Variants in PRSS36 observed in about 807,000 individuals in gnomAD.
PRSS36 encodes the protein polyserase-2.
Under a neutral mutation model 94.3 loss-of-function variants are expected in PRSS36, and 90 were observed. The ratio of observed to expected loss-of-function variants is 0.95; its 90% CI spans 0.80 to 1.14. The LOEUF (loss-of-function observed/expected upper bound fraction) is 1.14, where lower values mean the gene tolerates loss of function less well. Among genes scored for constraint, PRSS36 ranks in the 50% most tolerant of loss-of-function variants. The pLI, the probability that PRSS36 is intolerant of heterozygous loss-of-function variation, is 0.00. For synonymous variants in PRSS36, 500 were observed against 489.6 expected (o/e 1.02, Z -0.28); for missense variants, 1,158 against 1,135.0 (o/e 1.02, Z -0.29).
intron 7 of PRSS36, 56 bp from the exon 8 acceptor site, chr16:31,143,527 A>G: frequency 1.2e-6 from 2 of 1,608,362 alleles, no homozygotes; most frequent in Non-Finnish European, 1.7e-6. Flanking sequence ...CACTCCCAGC[A>G]GTCTCCATCC....
In PRSS36 at chr16:31,142,883, G is replaced by T; in HGVS notation, c.1211C>A (p.Ser404Ter). ...VARLVQHENA[S>*]WDNASDLALL... ...CGCCAGGTCCGAGGCGTTGTCCCACGAAGCGTTCTCGTGCTGCACCAGGCG... is the reference window on the plus strand; with the variant it reads ...CGCCAGGTCCGAGGCGTTGTCCCACTAAGCGTTCTCGTGCTGCACCAGGCG... Residue 404 changes from serine to a stop codon, truncating the protein, a stop_gained, in exon 9 of 15, where the codon TCG becomes TAG. Transcript: ENST00000268281. LOFTEE classifies it high-confidence loss of function. The T allele has an allele frequency of 6.4e-7, 1 of 1,559,466 alleles. No homozygotes were observed. Among genetic ancestry groups the T allele is most frequent in the East Asian group, 2.5e-5 (1 of 39,552 alleles).
At chr16:31,145,270 G>A (rs1311653836) in intron 6 of PRSS36, among the ~76,000 whole-genome samples, 1 of 150,698 alleles carries the variant, frequency 6.6e-6, no homozygotes, top group Non-Finnish European at 1.5e-5. Flanking sequence ...CTACTCGGGA[G>A]GCTGAGGCAG....
rs1424702947 is a variant in PRSS36, at chr16:31,140,390, G to A, written c.2193C>T (p.Ile731=). The change falls in exon 14 of 15, where the codon ATC becomes ATT. Residue 731 remains isoleucine, a synonymous_variant. Coordinates refer to ENST00000268281, the MANE Select transcript of PRSS36 (RefSeq NM_173502.5). ...GGCAGTCACAGATTCGTTGTGTCAAGATGGAGACAGCAGCAGCCACAGGGA... is the reference window on the plus strand; with the variant it reads ...GGCAGTCACAGATTCGTTGTGTCAAAATGGAGACAGCAGCAGCCACAGGGA... ...DRVPVAAAVS[I]LTQRICDCLY... 2.5e-6 allele frequency: 4 copies of A among 1,613,948 alleles called. No homozygotes were observed. The Admixed American group carries it at 5.0e-5, about 20-fold the overall frequency.
chr16:31,145,466 C>T (rs2057784746), intron 6 of PRSS36, among the ~76,000 whole-genome samples: 1 of 150,806 alleles, frequency 6.6e-6, no homozygotes, highest in South Asian at 2.1e-4. Context: ...TGGCCAGGCG[C>T]AAGTGAATGC....
intron 1 of PRSS36, 121 bp from the exon 2 acceptor site, chr16:31,149,852 C>G (rs1010232641): frequency 3.9e-6 from 6 of 1,537,306 alleles, no homozygotes; most frequent in Non-Finnish European, 4.5e-6. Context: ...CTCCCTCTCC[C>G]TCCTCTGATA....
At position 31,141,573 on chromosome 16, in the gene PRSS36, G is replaced by C. The variant is rs2057690560; in HGVS notation, c.1797C>G (p.Val599=). ...GCACCTCTGCCAGCCAGGGCCACAGGACCCCCACTGGAGCAGCCTCCAGCC... is the reference window on the plus strand; with the variant it reads ...GCACCTCTGCCAGCCAGGGCCACAGCACCCCCACTGGAGCAGCCTCCAGCC... ...GLRLEAAPVG[V]LWPWLAEVHV... is the part of the protein sequence containing the mutation. The change falls in exon 12 of 15, where the codon GTC becomes GTG. Residue 599 remains valine (V), a synonymous_variant. Transcript: ENST00000268281. 1.9e-6 allele frequency: 3 copies of C among 1,613,274 alleles called. No homozygotes were observed. The South Asian group carries it at 3.3e-5, about 18-fold the overall frequency.
At position 31,142,930 on chromosome 16, in the gene PRSS36, G is replaced by A. The variant is rs767659509; in HGVS notation, c.1164C>T (p.Arg388=). 6.6e-7 allele frequency: 1 copy of A among 1,510,504 alleles called. No homozygotes were observed. Among genetic ancestry groups the A allele is most frequent in the Non-Finnish European group, 8.8e-7 (1 of 1,136,126 alleles). The allele number at this position is 1,510,504 out of a possible 1,614,324, so 93.6% of individuals were successfully genotyped here. A position where few individuals can be genotyped will look rare whatever the true frequency, so the allele number is the denominator to read the frequency against. ...LDAWRVLLPS[R]PRAERVARLV... ...GGCGCGCCACCCGCTCCGCGCGCGG[G>A]CGCGAGGGCAGCAGCACGCGCCAGG... The change falls in exon 9 of 15, where the codon CGC becomes CGT. Residue 388 remains arginine (R), a synonymous_variant. Coordinates refer to ENST00000268281, the MANE Select transcript of PRSS36 (RefSeq NM_173502.5).
rs2057730875 is a variant in PRSS36 at position 31,142,822 on chromosome 16, C to T, written c.1272G>A (p.Ala424=). The change falls in exon 9 of 15, where the codon GCG becomes GCA. Residue 424 remains alanine (A), a synonymous_variant. Transcript: ENST00000268281. ...GGGGTAGGCACACGGGCCGCGAAGC[C>T]GCGCTCAGGTTCACGGGCGTGCGCA... ...LQLRTPVNLS[A]ASRPVCLPHP... The T allele has an allele frequency of 3.9e-6, 6 of 1,535,672 alleles. No individual in the cohort carries two copies. The highest frequency in any genetic ancestry group is 4.4e-6 in the Non-Finnish European group (5 of 1,143,756).
chr16:31,149,051 C>T (rs2144049022), intron 4 of PRSS36, 22 bp downstream of exon 4: 1 of 1,566,280 alleles, frequency 6.4e-7, no homozygotes, highest in Non-Finnish European at 8.7e-7. Flanking sequence ...GGAGAGGGGC[C>T]AGGACCAGGG....
At position 31,141,933 on chromosome 16, in the gene PRSS36, GGCACAAAAGGCTCCAACGC is replaced by G; in HGVS notation, c.1530_1548del (p.Trp512ArgfsTer36). On this transcript the variant is annotated frameshift_variant, in exon 11 of 15. Coordinates refer to ENST00000268281, the MANE Select transcript of PRSS36 (RefSeq NM_173502.5). LOFTEE classifies it high-confidence loss of function. ...GCCAGAAACCAGGTCCCCTCCTCCT[GGCACAAAAGGCTCCAACGC>G]GAGTCATTCTGCAGCAACAAAGTGT... is the stretch of plus-strand genomic sequence containing the variant. The G allele has an allele frequency of 6.2e-7, 1 of 1,614,094 alleles. No homozygotes were observed. The highest frequency in any genetic ancestry group is 8.5e-7 in the Non-Finnish European group (1 of 1,180,016).
chr16:31,149,678 C>T lies in PRSS36; in HGVS notation c.73+18G>A, dbSNP rs2057866826. Reference sequence around the variant, plus strand: ...TTCTGCCTCTGCACGTGACTTTCCCCCAGTCCGGCTACCTTACCTGAGTCC... The same window carrying T: ...TTCTGCCTCTGCACGTGACTTTCCCTCAGTCCGGCTACCTTACCTGAGTCC... On this transcript the variant is annotated intron_variant, in intron 2 of 14. Coordinates refer to ENST00000268281, the MANE Select transcript of PRSS36 (RefSeq NM_173502.5). The T allele has an allele frequency of 1.2e-6, 2 of 1,614,206 alleles. No individual in the cohort carries two copies. The highest frequency in any genetic ancestry group is 1.3e-5 in the African/African-American group (1 of 75,060).
chr16:31,144,140 CCCTT>C (rs1016190205), intron 6 of PRSS36, among the ~76,000 whole-genome samples: 7 of 151,386 alleles, frequency 4.6e-5, no homozygotes, highest in African/African-American at 7.3e-5. Flanking sequence ...TCCCCTCCCT[CCCTT>C]CCTTCCTTCT....
Position 31,149,189 on chromosome 16 carries a change from G to A in PRSS36, c.156C>T (p.Asn52=), listed in dbSNP as rs1472999363. 1.3e-6 allele frequency: 2 copies of A among 1,570,270 alleles called. No individual in the cohort carries two copies. Among genetic ancestry groups the A allele is most frequent in the Admixed American group, 1.9e-5 (1 of 52,576 alleles). ...EPSARIVGGS[N]AQPGTWPWQV... is the part of the protein sequence containing the mutation. Reference sequence around the variant, plus strand: ...GCCAAGGCCAGGTGCCCGGCTGCGCGTTTGAGCCCCCCACGATGCGGGCCG... The same window carrying A: ...GCCAAGGCCAGGTGCCCGGCTGCGCATTTGAGCCCCCCACGATGCGGGCCG... The change falls in exon 4 of 15, where the codon AAC becomes AAT. Residue 52 remains asparagine (N), a synonymous_variant. Coordinates refer to ENST00000268281, the MANE Select transcript of PRSS36 (RefSeq NM_173502.5).
Position 31,142,950 on chromosome 16 carries a change from G to T in PRSS36, c.1144C>A (p.Arg382Ser). The T allele has an allele frequency of 6.9e-7, 1 of 1,454,382 alleles. No homozygotes were observed. Among genetic ancestry groups the T allele is most frequent in the South Asian group, 1.4e-5 (1 of 72,340 alleles). 90.1% of individuals were successfully genotyped at this position (1,454,382 alleles called of 1,614,324 possible). Reference sequence around the variant, plus strand: ...CGCGGGCGCGAGGGCAGCAGCACGCGCCAGGCGTCGAGGTCGCGGGGTGGG... The same window carrying T: ...CGCGGGCGCGAGGGCAGCAGCACGCTCCAGGCGTCGAGGTCGCGGGGTGGG... The part of the protein sequence containing the change: ...DSPPRDLDAW[R>S]VLLPSRPRAE... The change falls in exon 9 of 15, where the codon CGC becomes AGC. Residue 382 changes from arginine (R) to serine (S), a missense_variant. Arg to Ser is a moderately radical substitution (Grantham distance 110). Coordinates refer to ENST00000268281, the MANE Select transcript of PRSS36 (RefSeq NM_173502.5).
intron 6 of PRSS36, among the ~76,000 whole-genome samples, chr16:31,145,297 C>T (rs539387311): frequency 8.0e-5 from 11 of 136,776 alleles, no homozygotes; most frequent in East Asian, 7.0e-4. Context: ...TGCGTGAACC[C>T]GGGAGGCGGA....
Position 31,146,409 on chromosome 16 carries a change from A to G in PRSS36, c.554-454T>C, listed in dbSNP as rs554622883. Among the ~76,000 whole-genome samples the G allele has an allele frequency of 6.6e-5, 10 of 152,102 alleles. No homozygotes were observed. The East Asian group carries it at 1.9e-3, about 29-fold the overall frequency. On this transcript the variant is annotated intron_variant, in intron 5 of 14. Coordinates refer to ENST00000268281, the MANE Select transcript of PRSS36 (RefSeq NM_173502.5). ...AGTTCCCAGTTCATGAAAACCTCTCATTTGTGACGTCTTGGCATTCTAAAC... is the reference window on the plus strand; with the variant it reads ...AGTTCCCAGTTCATGAAAACCTCTCGTTTGTGACGTCTTGGCATTCTAAAC...
chr16:31,149,615 G>T, intron 2 of PRSS36, 81 bp downstream of exon 2: 1 of 1,607,774 alleles, frequency 6.2e-7, no homozygotes, highest in Middle Eastern at 1.7e-4. Flanking sequence ...TGTCCGTTCA[G>T]CAACCCCTGC....
At position 31,139,069 on chromosome 16, in the gene PRSS36, A is replaced by G; in HGVS notation, c.*69T>C. ...CCTTGAGGTTCCAGCCGGCTGGGCC[A>G]CATTCCAGCCCCACTGGGCGGGAAG... is the stretch of plus-strand genomic sequence containing the variant. On this transcript the variant is annotated 3_prime_UTR_variant, in exon 15 of 15. Coordinates refer to ENST00000268281, the MANE Select transcript of PRSS36 (RefSeq NM_173502.5). 6.7e-7 allele frequency: 1 copy of G among 1,482,908 alleles called. No homozygotes were observed. Among genetic ancestry groups the G allele is most frequent in the Non-Finnish European group, 9.0e-7 (1 of 1,107,778 alleles). The allele number at this position is 1,482,908 out of a possible 1,614,324, so 91.9% of individuals were successfully genotyped here.
intron 8 of PRSS36, 119 bp downstream of exon 8, chr16:31,143,223 A>G: frequency 6.9e-7 from 1 of 1,448,544 alleles, no homozygotes; most frequent in Non-Finnish European, 9.3e-7. Flanking sequence ...TGGATCCTAC[A>G]CCTCCGAATG....
Sources: allele counts gnomAD v4.1 joint callset (sites outside exome capture counted in the v4.1 genomes callset), GRCh38; gene constraint gnomAD v4.1.1; transcripts MANE v1.5; gene names NCBI Gene and HGNC (gene_info 2026-07-23, HGNC 2026-07-21).